The following CORO2B variants were observed in gnomAD, a reference collection of about 807,000 sequenced individuals.
CORO2B encodes coronin 2B.
Under a neutral mutation model 58.8 loss-of-function variants are expected in CORO2B, and 26 were observed. The observed-to-expected ratio is 0.44, with a 90% CI of 0.32 to 0.61. The LOEUF (loss-of-function observed/expected upper bound fraction) is 0.61. Ranked by LOEUF, CORO2B falls within the 20% of genes least tolerant of loss-of-function variation. The pLI is 0.04. For missense variants in CORO2B, 460 were observed against 645.1 expected, an observed-to-expected ratio of 0.71 and a Z score of 3.11; for synonymous variants, 242 against 253.8, an observed-to-expected ratio of 0.95 and a Z score of 0.44.
At chr15:68,669,098 G>A (rs1350482281) in intron 2 of CORO2B, among the ~76,000 whole-genome samples, 1 of 146,144 alleles carries the variant, frequency 6.8e-6, no homozygotes, top group African/African-American at 2.5e-5. Flanking sequence ...AAAGAAGGAA[G>A]GAAGGAAGGA....
At chr15:68,534,358 TTA>T in the CORO2B span, among the ~76,000 whole-genome samples, 9 of 152,250 alleles carry the variant, frequency 5.9e-5, no homozygotes, top group East Asian at 1.7e-3. Flanking sequence ...CACTAATGTT[TTA>T]TCTTTGTTCA....
chr15:68,576,173 A>AAAAAAGAAAG (rs1555409381), upstream of CORO2B, among the ~76,000 whole-genome samples: 65 of 103,684 alleles, frequency 6.3e-4, no homozygotes, highest in African/African-American at 1.7e-3. Flanking sequence ...AAAAAAAAAA[A>AAAAAAGAAAG]AAAGAAAGAA....
At chr15:68,590,666 T>A (rs1037701266) in intron 1 of CORO2B, among the ~76,000 whole-genome samples, 2 of 152,196 alleles carry the variant, frequency 1.3e-5, no homozygotes, top group Non-Finnish European at 2.9e-5. Context: ...TTAGGTGTTC[T>A]TAAAAATACA....
intron 2 of CORO2B, among the ~76,000 whole-genome samples, chr15:68,666,330 C>T (rs183460736): frequency 4.3e-4 from 65 of 152,192 alleles, no homozygotes; most frequent in African/African-American, 1.4e-3. Flanking sequence ...CAAGGTGTCA[C>T]GAGGTGTCAG....
intron 2 of CORO2B, among the ~76,000 whole-genome samples, chr15:68,692,871 T>C (rs551612976): frequency 2.0e-5 from 3 of 152,048 alleles, no homozygotes; most frequent in South Asian, 2.1e-4. Flanking sequence ...TGACCTCAGG[T>C]GATCCACCCG....
intron 1 of CORO2B, among the ~76,000 whole-genome samples, chr15:68,614,881 C>T (rs1314427798): frequency 6.6e-6 from 1 of 152,234 alleles, no homozygotes; most frequent in Non-Finnish European, 1.5e-5. Flanking sequence ...CTGGTCCGGG[C>T]CTGCGCCCAT....
intron 1 of CORO2B, among the ~76,000 whole-genome samples, chr15:68,617,320 C>T (rs1174271913): frequency 1.3e-5 from 2 of 152,252 alleles, no homozygotes; most frequent in African/African-American, 4.8e-5. Flanking sequence ...GAGCTAGGCT[C>T]ACACCACTTT....
chr15:68,593,762 G>C (rs796559870), intron 1 of CORO2B, among the ~76,000 whole-genome samples: 4 of 151,952 alleles, frequency 2.6e-5, no homozygotes, highest in African/African-American at 9.7e-5. Flanking sequence ...TTTGCTCTGA[G>C]GTGGCGAAGT....
At chr15:68,613,739 A>G (rs996972620) in intron 1 of CORO2B, among the ~76,000 whole-genome samples, 4 of 152,326 alleles carry the variant, frequency 2.6e-5, no homozygotes, top group East Asian at 1.9e-4. Flanking sequence ...TCAATATTCT[A>G]CTAAGAGGTC....
chr15:68,664,903 T>C (rs1009060205), intron 2 of CORO2B, among the ~76,000 whole-genome samples: 7 of 152,208 alleles, frequency 4.6e-5, no homozygotes, highest in Admixed American at 4.6e-4. Context: ...GTCCTTTATA[T>C]GTTAGGGAAA....
At chr15:68,616,647 G>C (rs1244944896) in intron 1 of CORO2B, 42 of 980,502 alleles carry the variant, frequency 4.3e-5, no homozygotes, top group Non-Finnish European at 5.1e-5. Flanking sequence ...GTGGGCCCCA[G>C]CGCAAGCAGG....
intron 2 of CORO2B, among the ~76,000 whole-genome samples, chr15:68,669,300 G>A (rs562921644): frequency 2.0e-5 from 3 of 152,294 alleles, no homozygotes; most frequent in African/African-American, 4.8e-5. Context: ...AGGCGACTTG[G>A]AGCCTTTATC....
chr15:68,680,558 C>T (rs910447434), intron 2 of CORO2B, among the ~76,000 whole-genome samples: 10 of 152,236 alleles, frequency 6.6e-5, no homozygotes, highest in South Asian at 2.1e-4. Flanking sequence ...TTAGGTCCAC[C>T]GTCTATGGCA....
At chr15:68,663,119 CT>C (rs1271859899) in intron 2 of CORO2B, among the ~76,000 whole-genome samples, 1 of 152,104 alleles carries the variant, frequency 6.6e-6, no homozygotes, top group Non-Finnish European at 1.5e-5. Context: ...AGAGGTCAAT[CT>C]TTTTTACACG....
At chr15:68,637,615 TAG>T (rs1243515764) in intron 1 of CORO2B, among the ~76,000 whole-genome samples, 3 of 152,152 alleles carry the variant, frequency 2.0e-5, no homozygotes, top group African/African-American at 7.2e-5. Flanking sequence ...GTCACATAGC[TAG>T]AGACCAAACT....
chr15:68,566,498 C>T, the CORO2B span, among the ~76,000 whole-genome samples: 1 of 152,136 alleles, frequency 6.6e-6, no homozygotes, highest in Non-Finnish European at 1.5e-5. Context: ...TGCAGGGATG[C>T]TGGTTCCTCC....
intron 1 of CORO2B, among the ~76,000 whole-genome samples, chr15:68,601,850 G>T (rs1423025201): frequency 6.6e-6 from 1 of 152,134 alleles, no homozygotes; most frequent in South Asian, 2.1e-4. Context: ...ATAAAGAACA[G>T]AAATTGATTT....
chr15:68,723,104 G>T (rs1893203138), intron 11 of CORO2B, among the ~76,000 whole-genome samples: 2 of 141,472 alleles, frequency 1.4e-5, no homozygotes, highest in African/African-American at 2.6e-5. Context: ...TCATAAAAAT[G>T]ATACATACAT....
the CORO2B span, among the ~76,000 whole-genome samples, chr15:68,557,356 A>C: frequency 6.6e-6 from 1 of 152,172 alleles, no homozygotes; most frequent in Non-Finnish European, 1.5e-5. Context: ...GTGCCAATCT[A>C]TTCAAGGTCA....
Sources: allele counts gnomAD v4.1 joint callset (sites outside exome capture counted in the v4.1 genomes callset), GRCh38; gene constraint gnomAD v4.1.1; transcripts MANE v1.5; gene names NCBI Gene and HGNC (gene_info 2026-07-23, HGNC 2026-07-21).